The following PFKL variants were observed in gnomAD, a reference collection of about 807,000 sequenced individuals.
PFKL encodes phosphofructokinase, liver type.
PFKL carries 74 observed loss-of-function variants against 92.1 expected under a neutral mutation model. The observed-to-expected ratio is 0.80, with a 90% CI of 0.67 to 0.97. The LOEUF is 0.97. Among genes scored for constraint, PFKL ranks in the 50% least tolerant of loss-of-function variants. The pLI is 0.00. For missense variants in PFKL, 1,028 were observed against 1,116.6 expected (o/e 0.92, Z 1.13); for synonymous variants, 494 against 456.4 (o/e 1.08, Z -1.05).
intron 2 of PFKL, among the ~76,000 whole-genome samples, chr21:44,308,857 C>T (rs749414752): frequency 1.1e-4 from 16 of 152,150 alleles, no homozygotes; most frequent in East Asian, 3.9e-4. Flanking sequence ...CCACTGTGCA[C>T]GGCCATGAAT....
rs1454193600 is a variant in PFKL at position 44,306,664 on chromosome 21, T to C, written c.86-17T>C. On this transcript the variant is annotated splice_polypyrimidine_tract_variant and intron_variant, in intron 1 of 21. Transcript: ENST00000349048. ...CTTCTCAGCGTGGGACTGACAGGTT[T>C]GCCCTGACCTCCACAGGCATGAACG... is the stretch of plus-strand genomic sequence containing the variant. 6.2e-7 allele frequency: 1 copy of C among 1,611,506 alleles called. No individual in the cohort carries two copies. Among genetic ancestry groups the C allele is most frequent in the Admixed American group, 1.7e-5 (1 of 59,750 alleles).
rs755941292 is a variant in PFKL at position 44,313,029 on chromosome 21, G to A, written c.479G>A (p.Gly160Asp). 3.1e-6 allele frequency: 5 copies of A among 1,613,170 alleles called. No homozygotes were observed. The highest frequency in any genetic ancestry group is 4.2e-6 in the Non-Finnish European group (5 of 1,179,934). ...ACCTACTCGCACCTGAACATCGCGG[G>A]CCTAGTGGGCTCCATCGATAACGAC... ...ARTYSHLNIA[G>D]LVGSIDNDFC... Residue 160 changes from glycine (G) to aspartate (D), a missense_variant, in exon 5 of 22, where the codon GGC (glycine) becomes GAC (aspartate). Gly to Asp is a moderately conservative substitution (Grantham distance 94). Transcript: ENST00000349048.
chr21:44,300,312 G>A, intron 1 of PFKL, 122 bp downstream of exon 1: 2 of 303,906 alleles, frequency 6.6e-6, no homozygotes, highest in Non-Finnish European at 9.9e-6. Context: ...CTCCCGCCCC[G>A]GCCTCCCGCC....
intron 12 of PFKL, 72 bp downstream of exon 12, chr21:44,320,219 C>T (rs866853969): frequency 4.5e-5 from 62 of 1,381,190 alleles, no homozygotes; most frequent in Middle Eastern, 3.7e-4. Context: ...ACGCTGGCCC[C>T]GTGGCTGGGC....
In PFKL at chr21:44,322,957, T is replaced by G. The variant is rs199547282; in HGVS notation, c.1410-5T>G. The G allele has an allele frequency of 1.4e-5, 22 of 1,609,036 alleles. No homozygotes were observed. The highest frequency in any genetic ancestry group is 1.9e-5 in the Non-Finnish European group (22 of 1,176,820). Reference sequence around the variant, plus strand: ...GTGTTCATGCGGATGTGTCTTTGACTGCAGGACCCTGCCCAAGGGCCAGCT... The same window carrying G: ...GTGTTCATGCGGATGTGTCTTTGACGGCAGGACCCTGCCCAAGGGCCAGCT... On this transcript the variant is annotated splice_region_variant and splice_polypyrimidine_tract_variant and intron_variant, in intron 14 of 21. Coordinates refer to ENST00000349048, the MANE Select transcript of PFKL (RefSeq NM_002626.6).
Position 44,326,898 on chromosome 21 carries a change from C to A in PFKL, c.*36C>A. On this transcript the variant is annotated 3_prime_UTR_variant, in exon 22 of 22. Transcript: ENST00000349048. ...GCCCACGCCCCTCCCCAGCCCCCAC[C>A]CATGCCAGCGCAGCGCCAGGGCTCA... 1 of 1,567,538 alleles carries A rather than the reference C, an allele frequency of 6.4e-7. No individual in the cohort carries two copies. The highest frequency in any genetic ancestry group is 8.7e-7 in the Non-Finnish European group (1 of 1,151,170).
At chr21:44,308,385 C>T (rs1455111009) in intron 2 of PFKL, among the ~76,000 whole-genome samples, 1 of 152,044 alleles carries the variant, frequency 6.6e-6, no homozygotes, top group African/African-American at 2.4e-5. Flanking sequence ...GGGAAGACTT[C>T]CCCTCCGTCC....
chr21:44,301,664 C>T (rs548242554), intron 1 of PFKL, among the ~76,000 whole-genome samples: 1 of 152,154 alleles, frequency 6.6e-6, no homozygotes, highest in East Asian at 1.9e-4. Context: ...AGAAAGGCCC[C>T]GAGTCTGGAG....
chr21:44,301,349 G>T (rs1026204559), intron 1 of PFKL, among the ~76,000 whole-genome samples: 2 of 152,192 alleles, frequency 1.3e-5, no homozygotes, highest in African/African-American at 4.8e-5. Flanking sequence ...GCTTGTTGCC[G>T]GCTACTGGCA....
At chr21:44,318,345 G>A (rs2047264547) in intron 9 of PFKL, 125 bp from the exon 10 acceptor site, 2 of 1,083,936 alleles carry the variant, frequency 1.8e-6, no homozygotes, top group Admixed American at 5.9e-5. Context: ...GATGCCACCT[G>A]TTCTGGAAGC....
At position 44,327,242 on chromosome 21, in the gene PFKL, G is replaced by A. The variant is rs565212669; in HGVS notation, c.*380G>A. On this transcript the variant is annotated 3_prime_UTR_variant, in exon 22 of 22. Transcript: ENST00000349048. ...TCTACCTGGCCGGTAGGCTGCTGGC[G>A]CCTAGGTTGTGTTGAGAGGGGGATG... 6.9e-4 allele frequency: 183 copies of A among 264,796 alleles called. No individual in the cohort carries two copies. The highest frequency in any genetic ancestry group is 3.8e-3 in the African/African-American group (175 of 46,524). 16.4% of individuals were successfully genotyped at this position (264,796 alleles called of 1,614,324 possible).
At chr21:44,302,069 C>A (rs1005502052) in intron 1 of PFKL, among the ~76,000 whole-genome samples, 2 of 152,226 alleles carry the variant, frequency 1.3e-5, no homozygotes. Flanking sequence ...GGGTGGGCCT[C>A]CCATCTCTGT....
At chr21:44,301,109 C>A (rs143547012) in intron 1 of PFKL, among the ~76,000 whole-genome samples, 2 of 152,190 alleles carry the variant, frequency 1.3e-5, no homozygotes, top group African/African-American at 4.8e-5. Context: ...GGACACACAC[C>A]CCCACCCAGC....
chr21:44,310,862 C>A, intron 2 of PFKL, 144 bp from the exon 3 acceptor site: 1 of 625,836 alleles, frequency 1.6e-6, no homozygotes, highest in Non-Finnish European at 2.9e-6. Context: ...CCCTGTTACC[C>A]AGGCCCTGGG....
intron 1 of PFKL, chr21:44,305,523 C>A: frequency 9.6e-7 from 1 of 1,040,948 alleles, no homozygotes; most frequent in Non-Finnish European, 1.3e-6. Flanking sequence ...GGATGGATGG[C>A]ATGGTATGGG....
chr21:44,325,646 G>T, intron 19 of PFKL: 2 of 497,072 alleles, frequency 4.0e-6, no homozygotes, highest in Non-Finnish European at 3.6e-6. Context: ...AGTCAGGGTG[G>T]CTGGGCATGG....
rs1290619977 is a variant in PFKL at position 44,304,327 on chromosome 21, T to C, written c.86-2354T>C. On this transcript the variant is annotated intron_variant, in intron 1 of 21. Coordinates refer to ENST00000349048, the MANE Select transcript of PFKL (RefSeq NM_002626.6). ...TGCTGAGATGGCTGTGACCCTGGGC[T>C]GACCCGCCCAGTGGCACATTGACTC... 6 of 1,288,442 alleles carry C rather than the reference T, an allele frequency of 4.7e-6. No homozygotes were observed. In the South Asian group the frequency reaches 7.4e-5, roughly 16 times the overall value. 79.8% of individuals were successfully genotyped at this position (1,288,442 alleles called of 1,614,324 possible).
chr21:44,301,962 C>G (rs1023227801), intron 1 of PFKL, among the ~76,000 whole-genome samples: 5 of 152,146 alleles, frequency 3.3e-5, no homozygotes, highest in Admixed American at 6.5e-5. Flanking sequence ...GGTTCTTGGG[C>G]CAGCGGGGAG....
At chr21:44,319,982 C>T (rs1009667084) in intron 11 of PFKL, 102 bp from the exon 12 acceptor site, 14 of 1,015,016 alleles carry the variant, frequency 1.4e-5, no homozygotes, top group African/African-American at 3.2e-5. Flanking sequence ...TCCATCGGGC[C>T]GTGTGCCTGT....
Sources: gnomAD v4.1 joint callset for allele counts (sites outside exome capture counted in the v4.1 genomes callset) on GRCh38, gnomAD v4.1.1 for gene constraint, MANE v1.5 for transcripts, NCBI Gene and HGNC (gene_info 2026-07-23, HGNC 2026-07-21) for gene names.